The following MPDZ variants were observed in gnomAD, a reference collection of about 807,000 sequenced individuals.
MPDZ encodes the protein multiple PDZ domain protein.
In MPDZ, 234 loss-of-function variants were observed where a neutral mutation model predicts 239.1. That is an observed-to-expected ratio of 0.98 (90% CI 0.88 to 1.09). The LOEUF is 1.09. Among genes scored for constraint, MPDZ ranks in the 50% least tolerant of loss-of-function variants. The pLI is 0.00. For synonymous variants in MPDZ, 1,048 were observed against 881.3 expected (o/e 1.19, Z -3.35); for missense variants, 3,175 against 2,510.0 (o/e 1.26, Z -5.66).
intron 6 of MPDZ, among the ~76,000 whole-genome samples, chr9:13,221,730 A>C (rs1959125176): frequency 6.6e-6 from 1 of 152,002 alleles, no homozygotes; most frequent in South Asian, 2.1e-4. Flanking sequence ...TAATGATTTC[A>C]CTTCAACAGT....
At chr9:13,200,995 C>A (rs1956320583) in intron 12 of MPDZ, among the ~76,000 whole-genome samples, 1 of 151,912 alleles carries the variant, frequency 6.6e-6, no homozygotes, top group Non-Finnish European at 1.5e-5. Flanking sequence ...CTGTCTACTG[C>A]TGAAAGTAGG....
chr9:13,149,713 A>G (rs1378035942), intron 25 of MPDZ, among the ~76,000 whole-genome samples: 3 of 152,060 alleles, frequency 2.0e-5, no homozygotes, highest in African/African-American at 7.2e-5. Flanking sequence ...TAAATGAGTG[A>G]GTGACTTATG....
intron 3 of MPDZ, among the ~76,000 whole-genome samples, chr9:13,240,081 ATAAG>A (rs1211108653): frequency 6.6e-6 from 1 of 152,102 alleles, no homozygotes. Context: ...TGGAAGGCAA[ATAAG>A]TAATTTAGAA....
In MPDZ at chr9:13,138,001, C is replaced by T; in HGVS notation, c.4156G>A (p.Ala1386Thr). The T allele has an allele frequency of 6.2e-7, 1 of 1,613,802 alleles. No homozygotes were observed. The highest frequency in any genetic ancestry group is 8.5e-7 in the Non-Finnish European group (1 of 1,179,772). Residue 1386 changes from alanine to threonine, a missense_variant, in exon 29 of 47, where the codon GCA (alanine) becomes ACA (threonine). Ala to Thr is a moderately conservative substitution (Grantham distance 58, BLOSUM62 0). Coordinates refer to ENST00000319217, the MANE Select transcript of MPDZ (RefSeq NM_001378778.1). ...ATTTGCAATCGACCATCTTTTCCTG[C>T]AGCTCCATTTGGATCAATCCCCACT... ...FIVGIDPNGA[A>T]GKDGRLQIAD...
At chr9:13,208,747 T>G (rs1161225962) in intron 10 of MPDZ, among the ~76,000 whole-genome samples, 1 of 151,658 alleles carries the variant, frequency 6.6e-6, no homozygotes, top group East Asian at 1.9e-4. Flanking sequence ...TAGTTATTTT[T>G]ACTAGAGGGA....
chr9:13,200,155 T>C (rs536195955), intron 12 of MPDZ, among the ~76,000 whole-genome samples: 5 of 152,168 alleles, frequency 3.3e-5, no homozygotes, highest in Non-Finnish European at 7.4e-5. Context: ...TATTTCTTCA[T>C]GGTTTAATCT....
At position 13,222,288 on chromosome 9, in the gene MPDZ, G is replaced by A. The variant is rs757230764; in HGVS notation, c.692C>T (p.Pro231Leu). 2.4e-5 allele frequency: 39 copies of A among 1,612,760 alleles called. No homozygotes were observed. The South Asian group carries it at 4.2e-4, about 17-fold the overall frequency. ...ARGSLPQLVS[P>L]IVSRSPSAAS... The stretch of plus-strand genomic sequence containing the variant: ...TGCAGATGGAGAACGGGAAACTATG[G>A]GGCTGACAAGCTGAGGCAATGAGCC... Residue 231 changes from proline to leucine, a missense_variant, in exon 6 of 47, where the codon CCC (proline) becomes CTC (leucine). Coordinates refer to ENST00000319217, the MANE Select transcript of MPDZ (RefSeq NM_001378778.1).
At chr9:13,175,907 A>G in intron 20 of MPDZ, 32 bp from the exon 21 acceptor site, 1 of 1,567,102 alleles carries the variant, frequency 6.4e-7, no homozygotes, top group African/African-American at 1.4e-5. Flanking sequence ...CACAAGTCAC[A>G]TGGAAAGGGA....
At position 13,176,277 on chromosome 9, in the gene MPDZ, A is replaced by T. The variant is rs540572504; in HGVS notation, c.2790T>A (p.Thr930=). 6.2e-7 allele frequency: 1 copy of T among 1,610,332 alleles called. No homozygotes were observed. The highest frequency in any genetic ancestry group is 2.2e-5 in the East Asian group (1 of 44,656). The change falls in exon 20 of 47, where the codon ACT becomes ACA. Residue 930 remains threonine, a synonymous_variant. Coordinates refer to ENST00000319217, the MANE Select transcript of MPDZ (RefSeq NM_001378778.1). ...DISMGPASGF[T]INDYTPANAI... Reference sequence around the variant, plus strand: ...CATTTGCAGGTGTGTAGTCATTTATAGTAAAGCCAGAAGCAGGCCCCATAC... The same window carrying T: ...CATTTGCAGGTGTGTAGTCATTTATTGTAAAGCCAGAAGCAGGCCCCATAC...
chr9:13,125,093 G>A (rs995967938), intron 35 of MPDZ, 123 bp downstream of exon 35: 16 of 848,356 alleles, frequency 1.9e-5, no homozygotes, highest in Non-Finnish European at 2.5e-5. Context: ...TCACCATAGG[G>A]CTCCCTGACT....
intron 3 of MPDZ, among the ~76,000 whole-genome samples, chr9:13,232,329 T>C (rs1418751071): frequency 1.3e-5 from 2 of 152,162 alleles, no homozygotes; most frequent in East Asian, 3.8e-4. Flanking sequence ...AAGATATGAT[T>C]AAATTTGTTT....
chr9:13,164,188 C>T (rs1322005405), intron 22 of MPDZ, among the ~76,000 whole-genome samples: 1 of 152,142 alleles, frequency 6.6e-6, no homozygotes, highest in Non-Finnish European at 1.5e-5. Flanking sequence ...AGGTCAAAAA[C>T]TGAATCAAAG....
In MPDZ at chr9:13,136,632, GTTTTC is replaced by G. The variant is rs375556987; in HGVS notation, c.4292+75_4292+79del. 9.9e-5 allele frequency: 98 copies of G among 989,022 alleles called. 1 individual carries two copies. In the East Asian group the frequency reaches 2.5e-3, roughly 25 times the overall value. 61.3% of individuals were successfully genotyped at this position (989,022 alleles called of 1,614,324 possible). A position where few individuals can be genotyped will look rare whatever the true frequency, so the allele number is the denominator to read the frequency against. ...TGAGCCAGCATGCCCGGCTACAAAT[GTTTTC>G]TTTTCATTCAAAAGAACTCAGAGAA... On this transcript the variant is annotated intron_variant, in intron 30 of 46. Transcript: ENST00000319217.
At chr9:13,159,013 A>T (rs1950154986) in intron 23 of MPDZ, among the ~76,000 whole-genome samples, 1 of 152,150 alleles carries the variant, frequency 6.6e-6, no homozygotes, top group Non-Finnish European at 1.5e-5. Context: ...TGATTCAATA[A>T]ATGTTTTCAG....
chr9:13,140,393 CATATATATAT>C lies in MPDZ; in HGVS notation c.3841-254_3841-245del, dbSNP rs535672637. Among the ~76,000 whole-genome samples, 3 of 136,548 alleles carry C rather than the reference CATATATATAT, an allele frequency of 2.2e-5. No individual in the cohort carries two copies. In the East Asian group the frequency reaches 6.2e-4, roughly 28 times the overall value. 89.6% of individuals were successfully genotyped at this position (136,548 alleles called of 152,430 possible). On this transcript the variant is annotated intron_variant, in intron 27 of 46. Coordinates refer to ENST00000319217, the MANE Select transcript of MPDZ (RefSeq NM_001378778.1). ...GATTGTTAAATATTTTATATATATA[CATATATATAT>C]ATATATGTATATATATGAGCTTTCC...
chr9:13,121,517 A>G (rs1944345083), intron 38 of MPDZ, among the ~76,000 whole-genome samples: 1 of 152,250 alleles, frequency 6.6e-6, no homozygotes, highest in African/African-American at 2.4e-5. Context: ...TCAAAAATAC[A>G]CCAAATGACT....
At chr9:13,120,894 G>A (rs1311815492) in intron 38 of MPDZ, among the ~76,000 whole-genome samples, 2 of 152,186 alleles carry the variant, frequency 1.3e-5, no homozygotes, top group Non-Finnish European at 2.9e-5. Context: ...ACTGCAGACT[G>A]CAGGGGCACT....
intron 13 of MPDZ, among the ~76,000 whole-genome samples, chr9:13,195,231 T>A (rs995863943): frequency 6.6e-6 from 1 of 152,092 alleles, no homozygotes; most frequent in Non-Finnish European, 1.5e-5. Flanking sequence ...AAGGCTGCAG[T>A]GAGCCATGAC....
At chr9:13,125,535 G>T (rs960560610) in intron 34 of MPDZ, 145 bp from the exon 35 acceptor site, 2 of 708,616 alleles carry the variant, frequency 2.8e-6, no homozygotes, top group Non-Finnish European at 2.2e-6. Flanking sequence ...TCAGGACTTG[G>T]GTAAAGAAAG....
Sources: gnomAD v4.1 joint callset for allele counts (sites outside exome capture counted in the v4.1 genomes callset) on GRCh38, gnomAD v4.1.1 for gene constraint, MANE v1.5 for transcripts, NCBI Gene and HGNC (gene_info 2026-07-23, HGNC 2026-07-21) for gene names.